The following CALHM4 variants were observed in gnomAD, a reference collection of about 807,000 sequenced individuals.
The protein encoded by CALHM4 is calcium homeostasis modulator family member 4.
CALHM4 carries 16 observed loss-of-function variants against 13.3 expected under a neutral mutation model. The observed-to-expected ratio is 1.20, with a 90% confidence interval of 0.81 to 1.82. The LOEUF (loss-of-function observed/expected upper bound fraction) is 1.82. Among genes scored for constraint, CALHM4 ranks in the 40% most tolerant of loss-of-function variants. The probability of loss-of-function intolerance (pLI) is 0.00; values close to 1 mark genes in which losing one functional copy is unlikely to be tolerated. For synonymous variants in CALHM4, 127 were observed against 137.1 expected (o/e 0.93, Z 0.52); for missense variants, 344 against 374.9 (o/e 0.92, Z 0.68).
intron 1 of CALHM4, 146 bp downstream of exon 1, chr6:116,554,497 G>A: frequency 1.3e-6 from 1 of 762,468 alleles, no homozygotes; most frequent in Non-Finnish European, 2.0e-6. Flanking sequence ...GTTCTACTGA[G>A]CAAATATATA....
At chr6:116,531,086 C>T (rs1320078782) in intron 1 of CALHM4, among the ~76,000 whole-genome samples, 2 of 152,074 alleles carry the variant, frequency 1.3e-5, no homozygotes, top group Middle Eastern at 3.4e-3. Flanking sequence ...AATTATCCTG[C>T]CATTCTGGCC....
rs1164052758 is a variant in CALHM4, at chr6:116,560,534, C to T, written c.*2323C>T. 6.6e-6 allele frequency among the ~76,000 whole-genome samples: 1 copy of T among 151,514 alleles called. No individual in the cohort carries two copies. The highest frequency in any genetic ancestry group is 1.9e-4 in the East Asian group (1 of 5,178). On this transcript the variant is annotated 3_prime_UTR_variant, in exon 2 of 2. Transcript: ENST00000368596. ...AGTATTCGTTGGCTCTTCTACATGGCTTCAGAATGATTTATAGCATCTATG... is the reference window on the plus strand; with the variant it reads ...AGTATTCGTTGGCTCTTCTACATGGTTTCAGAATGATTTATAGCATCTATG...
At position 116,560,862 on chromosome 6, in the gene CALHM4, C is replaced by A. The variant is rs1245285779; in HGVS notation, c.*2651C>A. Reference sequence around the variant, plus strand: ...TACCACATCAAACCCTGGAGCTTGACATATATAAACCTGCTCCTTTCTTAA... The same window carrying A: ...TACCACATCAAACCCTGGAGCTTGAAATATATAAACCTGCTCCTTTCTTAA... On this transcript the variant is annotated 3_prime_UTR_variant, in exon 2 of 2. Coordinates refer to ENST00000368596, the MANE Select transcript of CALHM4 (RefSeq NM_001366078.2). 6.6e-6 allele frequency among the ~76,000 whole-genome samples: 1 copy of A among 152,150 alleles called. No individual in the cohort carries two copies. The highest frequency in any genetic ancestry group is 1.5e-5 in the Non-Finnish European group (1 of 68,020).
intron 1 of CALHM4, chr6:116,540,476 A>T: frequency 6.5e-7 from 1 of 1,550,006 alleles, no homozygotes. Context: ...TGGATGACGG[A>T]AAGAGTGTGG....
upstream of CALHM4, among the ~76,000 whole-genome samples, chr6:116,553,004 G>A (rs1774148001): frequency 6.6e-6 from 1 of 152,188 alleles, no homozygotes. Context: ...AACCCGGGAG[G>A]CGGAGCTTGC....
intron 1 of CALHM4, among the ~76,000 whole-genome samples, chr6:116,532,350 G>C (rs1229946122): frequency 1.3e-5 from 2 of 152,060 alleles, no homozygotes; most frequent in African/African-American, 4.8e-5. Flanking sequence ...ATCCTTCCGC[G>C]TCTTGCCTCC....
chr6:116,545,091 C>A (rs921904530), intron 2 of CALHM4, among the ~76,000 whole-genome samples: 4 of 150,698 alleles, frequency 2.7e-5, no homozygotes, highest in African/African-American at 9.8e-5. Context: ...ACATAATCAA[C>A]TATATATATA....
intron 2 of CALHM4, among the ~76,000 whole-genome samples, chr6:116,547,894 C>G (rs2115267342): frequency 6.6e-6 from 1 of 152,292 alleles, no homozygotes; most frequent in Middle Eastern, 3.4e-3. Context: ...TCAACCAACC[C>G]AAGTAAATGG....
chr6:116,541,531 T>C (rs1376581848), intron 1 of CALHM4, among the ~76,000 whole-genome samples: 1 of 152,180 alleles, frequency 6.6e-6, no homozygotes, highest in Non-Finnish European at 1.5e-5. Context: ...ACGGATTTGA[T>C]GTGAGAGTGC....
intron 1 of CALHM4, among the ~76,000 whole-genome samples, chr6:116,538,125 T>G (rs1773208661): frequency 6.6e-6 from 1 of 152,202 alleles, no homozygotes; most frequent in Non-Finnish European, 1.5e-5. Flanking sequence ...TTTGTTCCCT[T>G]ATGTTCTTCT....
intron 1 of CALHM4, among the ~76,000 whole-genome samples, chr6:116,532,627 G>A (rs1207730836): frequency 6.6e-6 from 1 of 152,104 alleles, no homozygotes; most frequent in East Asian, 1.9e-4. Flanking sequence ...CATAACTTTG[G>A]GAAACTGTAT....
chr6:116,557,966 C>G lies in CALHM4; in HGVS notation c.700C>G (p.Gln234Glu). The G allele has an allele frequency of 6.2e-7, 1 of 1,614,148 alleles. No individual in the cohort carries two copies. Among genetic ancestry groups the G allele is most frequent in the African/African-American group, 1.3e-5 (1 of 75,032 alleles). ...HLQNERELFE[Q>E]AAEQHSRLLM... is the part of the protein sequence containing the mutation. ...CCAGAATGAGAGAGAACTCTTTGAA[C>G]AAGCAGCAGAGCAGCACTCTCGGCT... Residue 234 changes from glutamine to glutamate, a missense_variant, in exon 2 of 2, where the codon CAA (glutamine) becomes GAA (glutamate). Transcript: ENST00000368596.
intron 1 of CALHM4, among the ~76,000 whole-genome samples, chr6:116,556,876 A>T (rs1471431052): frequency 6.6e-6 from 1 of 152,098 alleles, no homozygotes; most frequent in Non-Finnish European, 1.5e-5. Flanking sequence ...GACAAGGGAA[A>T]TGAAAAGGAA....
intron 1 of CALHM4, among the ~76,000 whole-genome samples, chr6:116,555,760 G>T (rs1254919969): frequency 1.3e-5 from 2 of 152,090 alleles, no homozygotes; most frequent in South Asian, 2.1e-4. Flanking sequence ...TTTTCAGTTA[G>T]ATTTTTGTGA....
upstream of CALHM4, among the ~76,000 whole-genome samples, chr6:116,550,839 CTA>C (rs1774044619): frequency 6.6e-6 from 1 of 152,162 alleles, no homozygotes; most frequent in Admixed American, 6.5e-5. Context: ...CTGTATTTGT[CTA>C]TGTGGCATCC....
At chr6:116,556,374 A>G (rs1318664075) in intron 1 of CALHM4, among the ~76,000 whole-genome samples, 1 of 152,230 alleles carries the variant, frequency 6.6e-6, no homozygotes, top group Non-Finnish European at 1.5e-5. Flanking sequence ...TGAGTTCCCC[A>G]TAACCAAGCA....
intron 1 of CALHM4, among the ~76,000 whole-genome samples, chr6:116,531,578 T>C (rs1386479961): frequency 6.6e-6 from 1 of 152,096 alleles, no homozygotes; most frequent in Admixed American, 6.6e-5. Flanking sequence ...TCCCAGAATA[T>C]CTCTACAATA....
At chr6:116,545,621 C>T (rs1013420888) in intron 2 of CALHM4, 14 of 989,250 alleles carry the variant, frequency 1.4e-5, no homozygotes, top group South Asian at 6.9e-5. Flanking sequence ...AGCTCTTCCT[C>T]GCTTTGAGAC....
intron 2 of CALHM4, chr6:116,545,411 G>T: frequency 7.0e-7 from 1 of 1,421,340 alleles, no homozygotes; most frequent in South Asian, 1.3e-5. Flanking sequence ...AAATCAATCA[G>T]AAATCACTCA....
Sources: gnomAD v4.1 joint callset for allele counts (sites outside exome capture counted in the v4.1 genomes callset) on GRCh38, gnomAD v4.1.1 for gene constraint, MANE v1.5 for transcripts, NCBI Gene and HGNC (gene_info 2026-07-23, HGNC 2026-07-21) for gene names.